The following BANP variants were observed in gnomAD, a reference collection of about 807,000 sequenced individuals.
BANP encodes the protein protein BANP.
In BANP, 11 loss-of-function variants were observed where a neutral mutation model predicts 68.1. That is an observed-to-expected ratio of 0.16 (90% confidence interval 0.10 to 0.27). BANP has a LOEUF of 0.27. Among genes scored for constraint, BANP ranks in the 10% least tolerant of loss-of-function variants. BANP has a pLI of 1.00. For missense variants in BANP, 504 were observed against 722.7 expected (o/e 0.70, Z 3.47); for synonymous variants, 329 against 303.2 (o/e 1.09, Z -0.88).
chr16:88,060,853 C>T (rs890770417), intron 11 of BANP, among the ~76,000 whole-genome samples: 2 of 150,544 alleles, frequency 1.3e-5, no homozygotes, highest in African/African-American at 2.5e-5. Flanking sequence ...CTTCGTCGTC[C>T]CCTGCCCGCC....
Position 87,984,221 on chromosome 16 carries a change from C to T in BANP, c.324C>T (p.Ser108=), listed in dbSNP as rs2063833098. Residue 108 remains serine (S), a synonymous_variant, in exon 4 of 14, where the codon TCC becomes TCT. Coordinates refer to ENST00000682872, the MANE Select transcript of BANP (RefSeq NM_001386991.1). ...SPIQVPMVAG[S]PLGATQTCNK... ...TCCAGGTCCCCATGGTGGCCGGCTC[C>T]CCTCTCGGGGCAACCCAGACGTGCA... 1.2e-6 allele frequency: 2 copies of T among 1,606,096 alleles called. No individual in the cohort carries two copies. Among genetic ancestry groups the T allele is most frequent in the Non-Finnish European group, 1.7e-6 (2 of 1,175,618 alleles).
chr16:87,972,325 T>TAGA (rs758991650), intron 1 of BANP, among the ~76,000 whole-genome samples: 51,635 of 151,846 alleles, frequency 0.34, 10,184 homozygotes, highest in Non-Finnish European at 0.47. Context: ...TTCTGAGTTC[T>TAGA]AGCACCTTGT....
chr16:88,015,100 CGTCCCTCTGCCTGTCCCTCTGCCT>C (rs11272313), intron 6 of BANP, among the ~76,000 whole-genome samples: 40 of 124,556 alleles, frequency 3.2e-4, no homozygotes, highest in South Asian at 1.7e-3. Context: ...CCCCTCTGCC[CGTCCCTCTGCCTGTCCCTCTGCCT>C]GTCCCTCTGC....
chr16:88,058,651 G>A (rs527790480), intron 11 of BANP, among the ~76,000 whole-genome samples: 1 of 152,272 alleles, frequency 6.6e-6, no homozygotes, highest in Non-Finnish European at 1.5e-5. Flanking sequence ...AGCCCCAGAT[G>A]AAACGTGTGT....
chr16:87,974,823 G>C (rs2061722961), intron 1 of BANP, among the ~76,000 whole-genome samples: 1 of 152,156 alleles, frequency 6.6e-6, no homozygotes, highest in Non-Finnish European at 1.5e-5. Context: ...GCCCCGGGTG[G>C]CTCGTCCAGT....
rs568377415 is a variant in BANP, at chr16:88,037,690, TA to T, written c.1273-277del. The T allele has an allele frequency of 1.1e-3, 498 of 456,932 alleles. 4 individuals carry two copies. The highest frequency in any genetic ancestry group is 9.2e-3 in the African/African-American group (462 of 50,082). 28.3% of individuals were successfully genotyped at this position (456,932 alleles called of 1,614,324 possible). ...TTTTGTGAGTCAGATTCTTTCAAAA[TA>T]AAAAATGAAGTAAAAATGACATTTT... On this transcript the variant is annotated intron_variant, in intron 10 of 13. Coordinates refer to ENST00000682872, the MANE Select transcript of BANP (RefSeq NM_001386991.1).
At position 87,957,230 on chromosome 16, in the gene BANP, C is replaced by T. The variant is rs999176239; in HGVS notation, c.-69+5715C>T. 2.0e-5 allele frequency among the ~76,000 whole-genome samples: 3 copies of T among 152,132 alleles called. No homozygotes were observed. Among genetic ancestry groups the T allele is most frequent in the Non-Finnish European group, 4.4e-5 (3 of 68,016 alleles). On this transcript the variant is annotated intron_variant, in intron 1 of 13. Coordinates refer to ENST00000682872, the MANE Select transcript of BANP (RefSeq NM_001386991.1). The surrounding 1 kb of genome is among the most constrained non-coding windows in gnomAD (Gnocchi z 4.3). ...GGGTCAGTGGTGGTGGAGGATGGCG[C>T]GGTGCTCCATTCGGAACCCACAGGT... is the stretch of plus-strand genomic sequence containing the variant.
At chr16:87,952,171 T>TC (rs1323833232) in intron 1 of BANP, 1 of 152,178 alleles carries the variant, frequency 6.6e-6, no homozygotes, top group African/African-American at 2.4e-5. Flanking sequence ...GTTTTCTTTT[T>TC]CCCCCCTAGG....
At chr16:87,964,433 C>T (rs907923602) in intron 1 of BANP, among the ~76,000 whole-genome samples, 11 of 149,772 alleles carry the variant, frequency 7.3e-5, no homozygotes, top group South Asian at 4.2e-4. Flanking sequence ...GTTGCCGAGG[C>T]GTCCAGGAGG....
intron 12 of BANP, among the ~76,000 whole-genome samples, chr16:88,070,251 C>T (rs1567939448): frequency 6.6e-6 from 1 of 152,108 alleles, no homozygotes; most frequent in South Asian, 2.1e-4. Flanking sequence ...TTCAGCTGCA[C>T]AAGGGTTCAG....
intron 11 of BANP, among the ~76,000 whole-genome samples, chr16:88,060,433 G>A (rs777222095): frequency 9.9e-5 from 15 of 152,248 alleles, no homozygotes; most frequent in Non-Finnish European, 1.8e-4. Flanking sequence ...CGTTGGACAC[G>A]CGAGTGATCC....
At chr16:88,038,968 C>G (rs12102841) in intron 11 of BANP, among the ~76,000 whole-genome samples, 30,366 of 152,200 alleles carry the variant, frequency 0.2, 3,482 homozygotes, top group South Asian at 0.28. Flanking sequence ...TGCATGCGTT[C>G]TCTTTGTCAA....
chr16:88,048,022 C>T (rs777216756), intron 11 of BANP, among the ~76,000 whole-genome samples: 2 of 152,322 alleles, frequency 1.3e-5, no homozygotes, highest in Non-Finnish European at 2.9e-5. Flanking sequence ...GGTGATGGGA[C>T]GTGCAGGGCC....
In BANP at chr16:87,988,189, T is replaced by C. The variant is rs190416191; in HGVS notation, c.362+3930T>C. ...TGTCTAAAATTGGGCAGTGGAACAT[T>C]GAAAAGGAAAAGTCTCCAAAGTTAA... On this transcript the variant is annotated intron_variant, in intron 4 of 13. Coordinates refer to ENST00000682872, the MANE Select transcript of BANP (RefSeq NM_001386991.1). Among the ~76,000 whole-genome samples the C allele has an allele frequency of 1.4e-4, 21 of 152,282 alleles. 1 individual carries two copies. In the East Asian group the frequency reaches 4.0e-3, roughly 29 times the overall value.
chr16:87,974,165 A>C (rs766701350), intron 1 of BANP, among the ~76,000 whole-genome samples: 15 of 152,216 alleles, frequency 9.9e-5, no homozygotes, highest in Non-Finnish European at 1.2e-4. Context: ...TCTGATAAAA[A>C]CATGATGGTC....
At chr16:88,034,495 A>AAAT (rs2078878663) in intron 9 of BANP, among the ~76,000 whole-genome samples, 9 of 152,094 alleles carry the variant, frequency 5.9e-5, no homozygotes, top group African/African-American at 1.9e-4. Context: ...CACATTTATT[A>AAAT]GTGTTTACTG....
Position 88,043,037 on chromosome 16 carries a change from G to A in BANP, c.1311+5026G>A, listed in dbSNP as rs753966925. Among the ~76,000 whole-genome samples, 4 of 152,306 alleles carry A rather than the reference G, an allele frequency of 2.6e-5. No homozygotes were observed. In the Middle Eastern group the frequency reaches 0.014, roughly 518 times the overall value. ...ATTATCTTTCCTCCTGAATAACAAC[G>A]AGCATTCAGGTCACTGTGGGAGCTG... On this transcript the variant is annotated intron_variant, in intron 11 of 13. Transcript: ENST00000682872.
At chr16:87,970,754 T>C (rs1341012149) in intron 1 of BANP, among the ~76,000 whole-genome samples, 1 of 152,034 alleles carries the variant, frequency 6.6e-6, no homozygotes, top group Non-Finnish European at 1.5e-5. Flanking sequence ...GCGCGGTGGC[T>C]CGGCCTGTCA....
At chr16:88,032,397 T>C (rs2078386073) in intron 8 of BANP, among the ~76,000 whole-genome samples, 1 of 152,224 alleles carries the variant, frequency 6.6e-6, no homozygotes, top group Admixed American at 6.5e-5. Context: ...AGATGGGGTT[T>C]CACCATGTTG....
Sources: allele counts gnomAD v4.1 joint callset (sites outside exome capture counted in the v4.1 genomes callset), GRCh38; gene constraint gnomAD v4.1.1; non-coding constraint Gnocchi (gnomAD v3.1); transcripts MANE v1.5; gene names NCBI Gene and HGNC (gene_info 2026-07-23, HGNC 2026-07-21).